ENOX1: variants seen among roughly 807,000 people sequenced by gnomAD.
ENOX1 encodes the protein candidate growth-related and time keeping constitutive hydroquinone (NADH) oxidase.
ENOX1 carries 42 observed loss-of-function variants against 82.5 expected under a neutral mutation model. That is an observed-to-expected ratio of 0.51 (90% CI 0.40 to 0.66). ENOX1 has a LOEUF of 0.66. ENOX1 is among the 30% of genes least tolerant of loss of function. ENOX1 has a pLI of 0.00. For synonymous variants in ENOX1, 271 were observed against 282.2 expected (o/e 0.96, Z 0.40); for missense variants, 608 against 811.6 (o/e 0.75, Z 3.05).
intron 14 of ENOX1, among the ~76,000 whole-genome samples, chr13:43,247,860 TATATATATATATATATATA>T (rs2043195272): frequency 0.011 from 43 of 3,940 alleles, 3 homozygotes; most frequent in South Asian, 0.036. Context: ...TATATATATA[TATATATATATATATATATA>T]TATATTTTTT....
chr13:43,765,039 A>C (rs546968244), intron 1 of ENOX1, among the ~76,000 whole-genome samples: 1 of 152,318 alleles, frequency 6.6e-6, no homozygotes, highest in East Asian at 1.9e-4. Flanking sequence ...CACTCACGTC[A>C]CCTTAACTGA....
chr13:43,498,725 C>T (rs2076878052), intron 2 of ENOX1, among the ~76,000 whole-genome samples: 2 of 151,998 alleles, frequency 1.3e-5, no homozygotes, highest in South Asian at 2.1e-4. Flanking sequence ...AAATGAGTGG[C>T]CAAAAGCCAC....
At chr13:43,614,055 G>A (rs986327026) in intron 2 of ENOX1, among the ~76,000 whole-genome samples, 12 of 152,148 alleles carry the variant, frequency 7.9e-5, no homozygotes, top group African/African-American at 2.9e-4. Flanking sequence ...GGGGCAACAG[G>A]GCATGTGGTG....
intron 2 of ENOX1, among the ~76,000 whole-genome samples, chr13:43,611,804 C>T (rs1536842): frequency 0.97 from 147,007 of 152,320 alleles, 71,155 homozygotes; most frequent in East Asian, 1. Flanking sequence ...CTCCCAGCAG[C>T]TGGGAGCTTG....
At chr13:43,292,913 TCAC>T (rs1387019449) in intron 12 of ENOX1, among the ~76,000 whole-genome samples, 5 of 151,282 alleles carry the variant, frequency 3.3e-5, no homozygotes, top group Admixed American at 2.0e-4. Flanking sequence ...ACCATGGCCA[TCAC>T]CACAACCACA....
chr13:43,270,280 A>G (rs569044591), intron 12 of ENOX1, among the ~76,000 whole-genome samples: 1 of 152,284 alleles, frequency 6.6e-6, no homozygotes, highest in East Asian at 1.9e-4. Flanking sequence ...GGACATGGTG[A>G]TATGTTAATA....
At chr13:43,582,082 AAAAAG>A (rs2080769738) in intron 2 of ENOX1, among the ~76,000 whole-genome samples, 1 of 152,210 alleles carries the variant, frequency 6.6e-6, no homozygotes, top group Non-Finnish European at 1.5e-5. Flanking sequence ...AAATTCCCCA[AAAAAG>A]AAAAGTATAG....
chr13:43,647,700 C>T (rs1421213815), intron 2 of ENOX1, among the ~76,000 whole-genome samples: 1 of 152,116 alleles, frequency 6.6e-6, no homozygotes, highest in Non-Finnish European at 1.5e-5. Context: ...CCACCAAACC[C>T]CCAAAGATGT....
chr13:43,527,658 C>T (rs1228961973), intron 2 of ENOX1, among the ~76,000 whole-genome samples: 2 of 151,996 alleles, frequency 1.3e-5, no homozygotes, highest in African/African-American at 2.4e-5. Flanking sequence ...TTGAATTTAG[C>T]CTGATGCATC....
chr13:43,557,225 G>A (rs1193802187), intron 2 of ENOX1, among the ~76,000 whole-genome samples: 2 of 152,152 alleles, frequency 1.3e-5, no homozygotes, highest in Non-Finnish European at 2.9e-5. Flanking sequence ...GACCATTTGG[G>A]GAGTCAAAAC....
At chr13:43,252,280 C>CT (rs2043501705) in intron 14 of ENOX1, among the ~76,000 whole-genome samples, 1 of 152,086 alleles carries the variant, frequency 6.6e-6, no homozygotes, top group Non-Finnish European at 1.5e-5. Flanking sequence ...AAAGCTGAGA[C>CT]TTTGAGGTTT....
At chr13:43,315,696 A>G (rs144658865) in intron 11 of ENOX1, among the ~76,000 whole-genome samples, 209 of 152,330 alleles carry the variant, frequency 1.4e-3, no homozygotes, top group Non-Finnish European at 2.5e-3. Context: ...GTAAATTTGG[A>G]TTGCTGTTAC....
chr13:43,492,574 A>G (rs1593471018), intron 2 of ENOX1, among the ~76,000 whole-genome samples: 1 of 152,314 alleles, frequency 6.6e-6, no homozygotes, highest in East Asian at 1.9e-4. Flanking sequence ...AATGAACATA[A>G]TTATGTGACT....
chr13:43,478,032 T>G (rs1175640124), intron 3 of ENOX1, among the ~76,000 whole-genome samples: 1 of 150,646 alleles, frequency 6.6e-6, no homozygotes, highest in Non-Finnish European at 1.5e-5. Context: ...ATTCTTAGGA[T>G]TAATGGCAAG....
chr13:43,635,747 CAG>C (rs2083389288), intron 2 of ENOX1, among the ~76,000 whole-genome samples: 1 of 151,920 alleles, frequency 6.6e-6, no homozygotes, highest in African/African-American at 2.4e-5. Context: ...GTTAAAGAGA[CAG>C]AGAGATAAAG....
intron 2 of ENOX1, among the ~76,000 whole-genome samples, chr13:43,625,344 G>C (rs1179785454): frequency 6.6e-6 from 1 of 151,644 alleles, no homozygotes; most frequent in African/African-American, 2.4e-5. Flanking sequence ...ATTGCTTTTT[G>C]CTCCTTTTCT....
intron 5 of ENOX1, among the ~76,000 whole-genome samples, chr13:43,373,542 C>A (rs534769923): frequency 6.6e-6 from 1 of 152,154 alleles, no homozygotes; most frequent in Non-Finnish European, 1.5e-5. Context: ...TTTATTCATC[C>A]AAATGATTAT....
At chr13:43,765,465 C>T (rs1951210698) in intron 1 of ENOX1, among the ~76,000 whole-genome samples, 2 of 152,114 alleles carry the variant, frequency 1.3e-5, no homozygotes, top group South Asian at 4.2e-4. Flanking sequence ...TGAAAGGCAC[C>T]CCAACTCCCT....
chr13:43,658,168 AT>A (rs2084536688), intron 2 of ENOX1, among the ~76,000 whole-genome samples: 1 of 152,218 alleles, frequency 6.6e-6, no homozygotes, highest in African/African-American at 2.4e-5. Flanking sequence ...CAGGTTTTTC[AT>A]TGAAAAAATC....
Sources: allele counts gnomAD v4.1 joint callset (sites outside exome capture counted in the v4.1 genomes callset), GRCh38; gene constraint gnomAD v4.1.1; transcripts MANE v1.5; gene names NCBI Gene and HGNC (gene_info 2026-07-23, HGNC 2026-07-21).